Variants in FIG4 observed in about 807,000 individuals in gnomAD.
The protein encoded by FIG4 is FIG4 phosphoinositide 5-phosphatase.
Under a neutral mutation model 118.6 loss-of-function variants are expected in FIG4, and 112 were observed. The ratio of observed to expected loss-of-function variants is 0.94; its 90% CI spans 0.81 to 1.11. FIG4 has a LOEUF of 1.11. Among genes scored for constraint, FIG4 ranks in the 50% least tolerant of loss-of-function variants. The probability of loss-of-function intolerance (pLI) is 0.00; values close to 1 mark genes in which losing one functional copy is unlikely to be tolerated. For missense variants in FIG4, 969 were observed against 1,111.7 expected (o/e 0.87, Z 1.83); for synonymous variants, 369 against 381.2 (o/e 0.97, Z 0.37).
At chr6:109,809,056 T>C (rs1778649843) in intron 22 of FIG4, among the ~76,000 whole-genome samples, 1 of 152,224 alleles carries the variant, frequency 6.6e-6, no homozygotes, top group Non-Finnish European at 1.5e-5. Flanking sequence ...TTCATTGATA[T>C]AGTTTCAGTT....
intron 13 of FIG4, among the ~76,000 whole-genome samples, chr6:109,764,635 A>C (rs1382316637): frequency 6.6e-6 from 1 of 152,086 alleles, no homozygotes; most frequent in Admixed American, 6.6e-5. Flanking sequence ...TATGGCCCTA[A>C]CCACTGAATA....
At chr6:109,736,802 A>G (rs1776171687) in intron 6 of FIG4, among the ~76,000 whole-genome samples, 1 of 152,132 alleles carries the variant, frequency 6.6e-6, no homozygotes, top group Non-Finnish European at 1.5e-5. Context: ...ACAGAAGTCC[A>G]CAGTGGATCT....
chr6:109,747,520 G>A (rs1284069179), intron 10 of FIG4, among the ~76,000 whole-genome samples: 2 of 152,158 alleles, frequency 1.3e-5, no homozygotes, highest in African/African-American at 4.8e-5. Context: ...TTGTCCATTA[G>A]TGTTAGCATC....
In FIG4 at chr6:109,727,274, G is replaced by A. The variant is rs190287033; in HGVS notation, c.446+9G>A. 1,839 of 1,572,892 alleles carry A rather than the reference G, an allele frequency of 1.2e-3. 1 individual carries two copies. The highest frequency in any genetic ancestry group is 1.4e-3 in the Non-Finnish European group (1,684 of 1,165,412). On this transcript the variant is annotated intron_variant, in intron 4 of 22. Coordinates refer to ENST00000230124, the MANE Select transcript of FIG4 (RefSeq NM_014845.6). Reference sequence around the variant, plus strand: ...CATCCTGATGAAGCTAGGTATGTATGGTGGTAACTACCTTTTTTTTTTTGG... The same window carrying A: ...CATCCTGATGAAGCTAGGTATGTATAGTGGTAACTACCTTTTTTTTTTTGG...
At chr6:109,803,315 A>T (rs991115267) in intron 22 of FIG4, among the ~76,000 whole-genome samples, 4 of 152,140 alleles carry the variant, frequency 2.6e-5, no homozygotes, top group Admixed American at 6.5e-5. Context: ...TGAAATAGAG[A>T]TGGGGTATTC....
chr6:109,703,408 G>A (rs193155044), intron 1 of FIG4, among the ~76,000 whole-genome samples: 3 of 152,240 alleles, frequency 2.0e-5, no homozygotes, highest in Admixed American at 2.0e-4. Flanking sequence ...AAGCCTTTTG[G>A]AGGTTCTATT....
In FIG4 at chr6:109,738,393, A is replaced by T; in HGVS notation, c.715A>T (p.Lys239Ter). 1 of 1,611,964 alleles carries T rather than the reference A, an allele frequency of 6.2e-7. No homozygotes were observed. The highest frequency in any genetic ancestry group is 8.5e-7 in the Non-Finnish European group (1 of 1,178,298). ...VWNGELLDIIKSTVHRDWLLY... is the reference protein window; with the variant it reads ...VWNGELLDII ...GAATGGTGAACTTCTGGATATAATT[A>T]AAAGTACTGTGCATCGTGACTGGCT... The change falls in exon 7 of 23, where the codon AAA becomes TAA. Residue 239 changes from lysine (K) to a stop codon, truncating the protein, a stop_gained. Coordinates refer to ENST00000230124, the MANE Select transcript of FIG4 (RefSeq NM_014845.6). LOFTEE classifies it high-confidence loss of function.
intron 10 of FIG4, among the ~76,000 whole-genome samples, chr6:109,753,469 A>C (rs988922682): frequency 1.3e-5 from 2 of 150,724 alleles, no homozygotes; most frequent in Admixed American, 6.6e-5. Flanking sequence ...GTTTTTTCCA[A>C]TTCTGTGAAG....
rs182537859 is a variant in FIG4 at position 109,778,362 on chromosome 6, C to T, written c.1889+1302C>T. ...GTACGTGCCTGTAATCCCAGCTACTCGGGAGTCTGAGGCAGGAGAACCGCT... is the reference window on the plus strand; with the variant it reads ...GTACGTGCCTGTAATCCCAGCTACTTGGGAGTCTGAGGCAGGAGAACCGCT... On this transcript the variant is annotated intron_variant, in intron 16 of 22. Transcript: ENST00000230124. Among the ~76,000 whole-genome samples, 189 of 150,998 alleles carry T rather than the reference C, an allele frequency of 1.3e-3. 1 individual carries two copies. The highest frequency in any genetic ancestry group is 4.5e-3 in the African/African-American group (184 of 41,172).
intron 3 of FIG4, among the ~76,000 whole-genome samples, chr6:109,722,519 G>A (rs1775642053): frequency 6.6e-6 from 1 of 151,932 alleles, no homozygotes; most frequent in South Asian, 2.1e-4. Flanking sequence ...AACACTCTGA[G>A]AGAGAGACAC....
intron 10 of FIG4, among the ~76,000 whole-genome samples, chr6:109,759,201 G>A (rs1188068801): frequency 1.3e-5 from 2 of 152,090 alleles, no homozygotes; most frequent in Non-Finnish European, 2.9e-5. Context: ...CAACCCAACG[G>A]CCCATCAATG....
chr6:109,794,976 T>G (rs1486091443), intron 21 of FIG4, among the ~76,000 whole-genome samples: 1 of 152,166 alleles, frequency 6.6e-6, no homozygotes, highest in Non-Finnish European at 1.5e-5. Context: ...TTTTTCTAAT[T>G]GCTGAGCCCC....
At chr6:109,693,628 C>T (rs1470288245) in intron 1 of FIG4, among the ~76,000 whole-genome samples, 1 of 152,166 alleles carries the variant, frequency 6.6e-6, no homozygotes, top group African/African-American at 2.4e-5. Flanking sequence ...TTTGAGAACC[C>T]TCTCAGAGTA....
intron 10 of FIG4, among the ~76,000 whole-genome samples, chr6:109,755,167 T>G (rs1049634128): frequency 2.1e-4 from 31 of 150,966 alleles, no homozygotes; most frequent in African/African-American, 7.5e-4. Context: ...AAAGAACATC[T>G]TTATTTCTGC....
Position 109,729,073 on chromosome 6 carries a change from G to A in FIG4, c.446+1808G>A, listed in dbSNP as rs985595092. Among the ~76,000 whole-genome samples, 15 of 152,114 alleles carry A rather than the reference G, an allele frequency of 9.9e-5. No homozygotes were observed. In the South Asian group the frequency reaches 3.1e-3, roughly 32 times the overall value. On this transcript the variant is annotated intron_variant, in intron 4 of 22. Coordinates refer to ENST00000230124, the MANE Select transcript of FIG4 (RefSeq NM_014845.6). The stretch of plus-strand genomic sequence containing the variant: ...TTATAAAACTATATAATCCAATAGT[G>A]TATCTAAGCAAAACTATTTGGTAAA...
chr6:109,751,383 G>A (rs1346001445), intron 10 of FIG4, among the ~76,000 whole-genome samples: 8 of 152,036 alleles, frequency 5.3e-5, no homozygotes, highest in African/African-American at 1.9e-4. Flanking sequence ...TTCTTTTTTT[G>A]TTGTGTCTCT....
intron 22 of FIG4, among the ~76,000 whole-genome samples, chr6:109,807,278 C>T (rs148750898): frequency 0.015 from 2,295 of 152,236 alleles, 57 homozygotes; most frequent in East Asian, 0.11. Context: ...TCTGTTGTTT[C>T]CTGACTTTTA....
At chr6:109,742,232 G>A (rs975171191) in intron 8 of FIG4, among the ~76,000 whole-genome samples, 3 of 151,992 alleles carry the variant, frequency 2.0e-5, no homozygotes, top group African/African-American at 7.2e-5. Context: ...CACTCATCAC[G>A]GGAAGTCAAT....
Position 109,776,964 on chromosome 6 carries a change from T to A in FIG4, c.1793T>A (p.Phe598Tyr), listed in dbSNP as rs751399063. The A allele has an allele frequency of 3.2e-5, 52 of 1,613,348 alleles. No individual in the cohort carries two copies. Among genetic ancestry groups the A allele is most frequent in the Non-Finnish European group, 4.2e-5 (50 of 1,179,476 alleles). The change falls in exon 16 of 23, where the codon TTC becomes TAC. Residue 598 changes from phenylalanine to tyrosine, a missense_variant. Around this residue, in one of 3 missense-constraint regions of FIG4, gnomAD observed 246 missense variants for 354.3 expected, o/e 0.69. Transcript: ENST00000230124. ...TCCATTAATCTCTTCCTGGGAGTTT[T>A]CCATCCCACTGAAGGGAAACCTCAT... Reference protein sequence around the residue: ...QDSINLFLGVFHPTEGKPHLW... With the variant: ...QDSINLFLGVYHPTEGKPHLW...
Sources: gnomAD v4.1 joint callset for allele counts (sites outside exome capture counted in the v4.1 genomes callset) on GRCh38, gnomAD v4.1.1 for gene constraint, gnomAD v4.1.1 regional missense constraint, MANE v1.5 for transcripts, NCBI Gene and HGNC (gene_info 2026-07-23, HGNC 2026-07-21) for gene names.